NLRP3: variants seen among roughly 807,000 people sequenced by gnomAD.
NLRP3 encodes the protein NLR family pyrin domain containing 3.
NLRP3 carries 48 observed loss-of-function variants against 91.3 expected under a neutral mutation model. The ratio of observed to expected loss-of-function variants is 0.53; its 90% CI spans 0.42 to 0.67. The LOEUF (loss-of-function observed/expected upper bound fraction) is 0.67. NLRP3 is among the 30% of genes least tolerant of loss of function. The pLI is 0.00. For synonymous variants in NLRP3, 561 were observed against 507.9 expected, an observed-to-expected ratio of 1.10 and a Z score of -1.41; for missense variants, 982 against 1,276.9, an observed-to-expected ratio of 0.77 and a Z score of 3.52.
Position 247,418,336 on chromosome 1 carries a change from G to T in NLRP3, c.-465G>T. On this transcript the variant is annotated 5_prime_UTR_variant, in exon 2 of 10. Transcript: ENST00000336119. ...TTTTTTTTTGAGATGGAGTCTTGCT[G>T]TGTCGCCTAGGCTGGAGTGCAGTGG... is the stretch of plus-strand genomic sequence containing the variant. 4.9e-6 allele frequency: 1 copy of T among 204,962 alleles called. No individual in the cohort carries two copies. The highest frequency in any genetic ancestry group is 1.3e-4 in the East Asian group (1 of 7,728). 12.7% of individuals were successfully genotyped at this position (204,962 alleles called of 1,614,324 possible).
At chr1:247,420,021 C>T (rs753972287) in intron 2 of NLRP3, among the ~76,000 whole-genome samples, 7 of 152,190 alleles carry the variant, frequency 4.6e-5, no homozygotes, top group Non-Finnish European at 8.8e-5. Context: ...GCACCATTTC[C>T]CACCAACAGC....
intron 7 of NLRP3, among the ~76,000 whole-genome samples, chr1:247,440,862 C>G (rs932622424): frequency 1.3e-5 from 2 of 152,158 alleles, no homozygotes; most frequent in South Asian, 2.1e-4. Flanking sequence ...AGGTTACCCC[C>G]ACTTTCCCAC....
At position 247,425,816 on chromosome 1, in the gene NLRP3, C is replaced by T; in HGVS notation, c.2150+217C>T. ...AGGAAAAAAAAAATAAAACAAGGAA[C>T]AAATGTTTGGGGAATGCCAGTTTAG... On this transcript the variant is annotated intron_variant, in intron 4 of 9. Transcript: ENST00000336119. This position sits in a 1 kb window ranked among gnomAD's most constrained non-coding sequence, Gnocchi z 4.1. 1 of 584,246 alleles carries T rather than the reference C, an allele frequency of 1.7e-6. No individual in the cohort carries two copies. The highest frequency in any genetic ancestry group is 3.0e-6 in the Non-Finnish European group (1 of 327,942). The allele number at this position is 584,246 out of a possible 1,614,324, so 36.2% of individuals were successfully genotyped here. A position where few individuals can be genotyped will look rare whatever the true frequency, so the allele number is the denominator to read the frequency against.
At position 247,424,874 on chromosome 1, in the gene NLRP3, C is replaced by G; in HGVS notation, c.1425C>G (p.Ile475Met). ...WGLCSLAADG[I>M]WNQKILFEES... is the part of the protein sequence containing the mutation. ...TCTGCTCTTTGGCTGCAGATGGAAT[C>G]TGGAACCAGAAAATCCTGTTTGAGG... Residue 475 changes from isoleucine to methionine, a missense_variant, in exon 4 of 10, where the codon ATC (isoleucine) becomes ATG (methionine). This residue lies in a region of NLRP3 where 548 missense variants were observed against 713.7 expected (regional missense o/e 0.77). Coordinates refer to ENST00000336119, the MANE Select transcript of NLRP3 (RefSeq NM_001243133.2). The surrounding 1 kb of genome is among the most constrained non-coding windows in gnomAD (Gnocchi z 8.1). 2 of 1,609,214 alleles carry G rather than the reference C, an allele frequency of 1.2e-6. No individual in the cohort carries two copies. The highest frequency in any genetic ancestry group is 1.7e-6 in the Non-Finnish European group (2 of 1,180,010).
chr1:247,446,131 TC>T (rs1230291423), intron 9 of NLRP3, among the ~76,000 whole-genome samples: 1 of 152,204 alleles, frequency 6.6e-6, no homozygotes, highest in East Asian at 1.9e-4. Flanking sequence ...TGTCTCTTTT[TC>T]CTTATAATCA....
At chr1:247,433,372 G>A (rs1027424354) in intron 5 of NLRP3, among the ~76,000 whole-genome samples, 4 of 152,178 alleles carry the variant, frequency 2.6e-5, no homozygotes, top group African/African-American at 9.6e-5. Flanking sequence ...CTGCGGGCAC[G>A]TCAATGGTTA....
Position 247,434,136 on chromosome 1 carries a change from C to T in NLRP3, c.2355C>T (p.Cys785=). The change falls in exon 6 of 10, where the codon TGC becomes TGT. Residue 785 remains cysteine, a synonymous_variant. Coordinates refer to ENST00000336119, the MANE Select transcript of NLRP3 (RefSeq NM_001243133.2). The part of the protein sequence containing the change: ...LGRCGLSHEC[C]FDISLVLSSN... ...GCTGTGGCCTCTCGCATGAGTGCTGCTTCGACATCTCCTTGGTCCTCAGCA... is the reference window on the plus strand; with the variant it reads ...GCTGTGGCCTCTCGCATGAGTGCTGTTTCGACATCTCCTTGGTCCTCAGCA... The T allele has an allele frequency of 1.9e-6, 3 of 1,606,274 alleles. No individual in the cohort carries two copies. Among genetic ancestry groups the T allele is most frequent in the South Asian group, 1.1e-5 (1 of 90,778 alleles).
In NLRP3 at chr1:247,444,117, C is replaced by A; in HGVS notation, c.2809C>A (p.Pro937Thr). 6.2e-7 allele frequency: 1 copy of A among 1,614,174 alleles called. No homozygotes were observed. Among genetic ancestry groups the A allele is most frequent in the Non-Finnish European group, 8.5e-7 (1 of 1,180,034 alleles). Reference protein sequence around the residue: ...IKLLCEGLLHPDCKLQVLELD... With the variant: ...IKLLCEGLLHTDCKLQVLELD... ...ACTACTCTGTGAGGGACTCTTGCAC[C>A]CCGACTGCAAGCTTCAGGTGTTGGA... The change falls in exon 8 of 10, where the codon CCC becomes ACC. Residue 937 changes from proline (P) to threonine (T), a missense_variant. This residue lies in a region of NLRP3 where 373 missense variants were observed against 431.5 expected (regional missense o/e 0.86). Coordinates refer to ENST00000336119, the MANE Select transcript of NLRP3 (RefSeq NM_001243133.2).
In NLRP3 at chr1:247,418,044, A is replaced by T. The variant is rs1662176905; in HGVS notation, c.-748-9A>T. On this transcript the variant is annotated splice_polypyrimidine_tract_variant and intron_variant, in intron 1 of 9. Transcript: ENST00000336119. Reference sequence around the variant, plus strand: ...TGAAAACATTCTCTTCTGCTTTCTCATTTTGTAGATGAGGAAACTGAAGTT... The same window carrying T: ...TGAAAACATTCTCTTCTGCTTTCTCTTTTTGTAGATGAGGAAACTGAAGTT... 1 of 152,256 alleles carries T rather than the reference A, an allele frequency of 6.6e-6. No individual in the cohort carries two copies. The allele number at this position is 152,256 out of a possible 1,614,324, so 9.4% of individuals were successfully genotyped here. A position where few individuals can be genotyped will look rare whatever the true frequency, so the allele number is the denominator to read the frequency against.
intron 7 of NLRP3, among the ~76,000 whole-genome samples, chr1:247,440,417 C>A (rs1664127447): frequency 1.3e-5 from 2 of 152,150 alleles, no homozygotes; most frequent in African/African-American, 4.8e-5. Context: ...CATCACTACA[C>A]CAGAGGGAAC....
chr1:247,445,494 C>T (rs1287820330), intron 9 of NLRP3, among the ~76,000 whole-genome samples: 2 of 152,136 alleles, frequency 1.3e-5, no homozygotes, highest in Non-Finnish European at 2.9e-5. Flanking sequence ...GCCTCCGTGC[C>T]TGGCGGTTTC....
At chr1:247,434,344 C>T in intron 6 of NLRP3, 71 bp downstream of exon 6, 1 of 1,519,348 alleles carries the variant, frequency 6.6e-7, no homozygotes, top group South Asian at 1.1e-5. Flanking sequence ...TTCAGTGAGG[C>T]CCGGTGGGCT....
rs575572138 is a variant in NLRP3 at position 247,427,633 on chromosome 1, G to A, written c.2151-1952G>A. ...ACTCTCACTGAAGCCCCGGTAGGAGGCTCAGCACCCATTTCTCTAGATAGC... is the reference window on the plus strand; with the variant it reads ...ACTCTCACTGAAGCCCCGGTAGGAGACTCAGCACCCATTTCTCTAGATAGC... On this transcript the variant is annotated intron_variant, in intron 4 of 9. Coordinates refer to ENST00000336119, the MANE Select transcript of NLRP3 (RefSeq NM_001243133.2). Among the ~76,000 whole-genome samples the A allele has an allele frequency of 1.3e-4, 19 of 151,416 alleles. No individual in the cohort carries two copies. In the South Asian group the frequency reaches 4.0e-3, roughly 32 times the overall value.
Position 247,423,975 on chromosome 1 carries a change from C to T in NLRP3, c.526C>T (p.Arg176Trp), listed in dbSNP as rs201867990. ...ACGACTGCGTCTCATCAAGGAGCAC[C>T]GGAGCCAGCAGGAGAGGGAGCAGGA... ...YTRLRLIKEH[R>W]SQQEREQELL... The change falls in exon 4 of 10, where the codon CGG (arginine) becomes TGG (tryptophan). Residue 176 changes from arginine to tryptophan, a missense_variant. Physicochemically the swap from Arg to Trp is moderately radical, Grantham distance 101 (BLOSUM62 -3). Transcript: ENST00000336119. 55 of 1,613,824 alleles carry T rather than the reference C, an allele frequency of 3.4e-5. No homozygotes were observed. The highest frequency in any genetic ancestry group is 3.3e-4 in the Middle Eastern group (2 of 6,084).
At chr1:247,432,149 C>T (rs1046039116) in intron 5 of NLRP3, among the ~76,000 whole-genome samples, 4 of 152,220 alleles carry the variant, frequency 2.6e-5, no homozygotes, top group African/African-American at 7.2e-5. Context: ...TCCCAAAGTG[C>T]TGGGATTACA....
chr1:247,416,391 T>C (rs754555568), intron 1 of NLRP3, among the ~76,000 whole-genome samples, 198 bp downstream of exon 1: 4 of 152,146 alleles, frequency 2.6e-5, no homozygotes, highest in Admixed American at 6.5e-5. Flanking sequence ...CGTGTGTGTG[T>C]ATGTGGCGGG....
intron 5 of NLRP3, among the ~76,000 whole-genome samples, chr1:247,432,437 C>T (rs558881564): frequency 2.6e-5 from 4 of 152,316 alleles, no homozygotes; most frequent in Admixed American, 2.0e-4. Context: ...TCATTCTTTT[C>T]TATGGCTGAG....
intron 5 of NLRP3, among the ~76,000 whole-genome samples, chr1:247,433,210 AAAAAG>A (rs1027398308): frequency 3.9e-5 from 6 of 151,970 alleles, no homozygotes; most frequent in South Asian, 2.1e-4. Context: ...CTGTCTTTAA[AAAAAG>A]AAAAGAAAAG....
chr1:247,448,192 G>A (rs948473164), intron 9 of NLRP3, among the ~76,000 whole-genome samples: 2 of 151,630 alleles, frequency 1.3e-5, no homozygotes, highest in East Asian at 1.9e-4. Flanking sequence ...AGAAGGTGCG[G>A]AGTCTCGCGG....
Sources: allele counts gnomAD v4.1 joint callset (sites outside exome capture counted in the v4.1 genomes callset), GRCh38; gene constraint gnomAD v4.1.1; regional missense constraint gnomAD v4.1.1; non-coding constraint Gnocchi (gnomAD v3.1); transcripts MANE v1.5; gene names NCBI Gene and HGNC (gene_info 2026-07-23, HGNC 2026-07-21).